Variants in RAPGEF4 observed in about 807,000 individuals in gnomAD.
RAPGEF4 encodes the protein Rap guanine nucleotide exchange factor 4.
In RAPGEF4, 66 loss-of-function variants were observed where a neutral mutation model predicts 147.9. The observed-to-expected ratio is 0.45, with a 90% CI of 0.37 to 0.55. The LOEUF (loss-of-function observed/expected upper bound fraction) is 0.55. Ranked by LOEUF, RAPGEF4 falls within the 20% of genes least tolerant of loss-of-function variation. RAPGEF4 has a pLI of 0.00. For missense variants in RAPGEF4, 1,071 were observed against 1,257.3 expected (o/e 0.85, Z 2.24); for synonymous variants, 419 against 442.7 (o/e 0.95, Z 0.67).
At chr2:172,826,449 T>C (rs1459577246) in intron 4 of RAPGEF4, among the ~76,000 whole-genome samples, 1 of 152,248 alleles carries the variant, frequency 6.6e-6, no homozygotes, top group African/African-American at 2.4e-5. Context: ...TGCCTATGCT[T>C]AGCTTTGTTT....
chr2:172,942,568 T>TAA lies in RAPGEF4; in HGVS notation c.538-18170_538-18169dup, dbSNP rs60948094. Among the ~76,000 whole-genome samples, 640 of 107,792 alleles carry TAA rather than the reference T, an allele frequency of 5.9e-3. 8 individuals are homozygous for TAA. The highest frequency in any genetic ancestry group is 0.021 in the African/African-American group (588 of 28,284). 70.7% of individuals were successfully genotyped at this position (107,792 alleles called of 152,430 possible). A position where few individuals can be genotyped will look rare whatever the true frequency, so the allele number is the denominator to read the frequency against. ...CTCCTGCTTAGATCTTAGAGTCTGGTAAAAAAAAAAAAAAAAAAAAAAATT... is the reference window on the plus strand; with the variant it reads ...CTCCTGCTTAGATCTTAGAGTCTGGTAAAAAAAAAAAAAAAAAAAAAAAAATT... On this transcript the variant is annotated intron_variant, in intron 6 of 30. Coordinates refer to ENST00000397081, the MANE Select transcript of RAPGEF4 (RefSeq NM_007023.4).
intron 11 of RAPGEF4, 126 bp from the exon 12 acceptor site, chr2:172,985,307 G>C: frequency 7.9e-7 from 1 of 1,263,896 alleles, no homozygotes; most frequent in South Asian, 1.3e-5. Context: ...AGCAGCAAGA[G>C]AGGTGAGAGA....
At chr2:172,830,592 A>C (rs1171000685) in intron 4 of RAPGEF4, among the ~76,000 whole-genome samples, 2 of 149,166 alleles carry the variant, frequency 1.3e-5, no homozygotes, top group Admixed American at 1.3e-4. Flanking sequence ...GCAAAACAAG[A>C]ATCCTGTTTG....
chr2:172,778,920 T>G (rs1317297695), intron 1 of RAPGEF4, among the ~76,000 whole-genome samples: 2 of 152,232 alleles, frequency 1.3e-5, no homozygotes, highest in Non-Finnish European at 2.9e-5. Context: ...ATTTATTTTA[T>G]TGAGAACACT....
chr2:172,807,845 G>A (rs1687655937), intron 3 of RAPGEF4, among the ~76,000 whole-genome samples: 1 of 152,138 alleles, frequency 6.6e-6, no homozygotes, highest in Non-Finnish European at 1.5e-5. Flanking sequence ...CTCAGTATAT[G>A]TCCAAAACAA....
chr2:172,809,759 C>G (rs1272475687), intron 3 of RAPGEF4, among the ~76,000 whole-genome samples: 1 of 152,106 alleles, frequency 6.6e-6, no homozygotes, highest in Non-Finnish European at 1.5e-5. Flanking sequence ...TCTTAAATTC[C>G]TGGCTTCAAG....
chr2:172,847,892 T>C (rs1447682964), intron 4 of RAPGEF4, among the ~76,000 whole-genome samples: 1 of 152,202 alleles, frequency 6.6e-6, no homozygotes, highest in Non-Finnish European at 1.5e-5. Flanking sequence ...TCATGGTTAT[T>C]GATTGGGGCC....
At chr2:173,039,193 C>G (rs1684430078) in intron 29 of RAPGEF4, among the ~76,000 whole-genome samples, 1 of 151,980 alleles carries the variant, frequency 6.6e-6, no homozygotes, top group Non-Finnish European at 1.5e-5. Flanking sequence ...TGTGGTGGCT[C>G]ACGCCTGTAA....
At chr2:172,996,742 A>G (rs894949666) in intron 16 of RAPGEF4, among the ~76,000 whole-genome samples, 188 bp downstream of exon 16, 11 of 152,124 alleles carry the variant, frequency 7.2e-5, no homozygotes, top group African/African-American at 2.2e-4. Flanking sequence ...TCCCTCCCCA[A>G]TCCTGACTGT....
intron 4 of RAPGEF4, among the ~76,000 whole-genome samples, chr2:172,897,842 C>T (rs576291787): frequency 1.0e-4 from 15 of 148,966 alleles, no homozygotes; most frequent in African/African-American, 3.0e-4. Context: ...CTTAGCTTCA[C>T]GGCACAGCAA....
chr2:173,030,740 C>T (rs1341753588), intron 26 of RAPGEF4, among the ~76,000 whole-genome samples: 4 of 152,278 alleles, frequency 2.6e-5, no homozygotes, highest in African/African-American at 4.8e-5. Context: ...TACTAAGTGT[C>T]GCCTCACCAC....
chr2:173,004,525 A>G (rs1011740736), intron 17 of RAPGEF4, among the ~76,000 whole-genome samples: 7 of 152,044 alleles, frequency 4.6e-5, no homozygotes, highest in African/African-American at 1.4e-4. Flanking sequence ...ACATATAGAT[A>G]TATGTTTTTA....
chr2:172,839,840 A>C (rs972384228), intron 4 of RAPGEF4, among the ~76,000 whole-genome samples: 2 of 152,194 alleles, frequency 1.3e-5, no homozygotes, highest in Non-Finnish European at 2.9e-5. Flanking sequence ...TACACAAAGG[A>C]GATACAAAAA....
intron 1 of RAPGEF4, among the ~76,000 whole-genome samples, chr2:172,755,330 G>A (rs940566580): frequency 1.3e-5 from 2 of 152,184 alleles, no homozygotes; most frequent in Admixed American, 1.3e-4. Context: ...TCAGCCCCTT[G>A]AGATTTTAGA....
chr2:172,755,026 G>C (rs528997739), intron 1 of RAPGEF4, among the ~76,000 whole-genome samples: 164 of 152,188 alleles, frequency 1.1e-3, no homozygotes, highest in Middle Eastern at 0.01. Flanking sequence ...CTGGGTGACA[G>C]AGTGAGACTC....
rs10534191 is a variant in RAPGEF4, at chr2:172,925,587, T to TACACACACACACACACAC, written c.537+3300_537+3317dup. ...AGGACACATAGTGAGACTCTGTCTG[T>TACACACACACACACACAC]ACACACACACACACACACACACACA... On this transcript the variant is annotated intron_variant, in intron 6 of 30. Coordinates refer to ENST00000397081, the MANE Select transcript of RAPGEF4 (RefSeq NM_007023.4). Among the ~76,000 whole-genome samples the TACACACACACACACACAC allele has an allele frequency of 4.1e-5, 6 of 147,098 alleles. No individual in the cohort carries two copies. In the South Asian group the frequency reaches 1.3e-3, roughly 32 times the overall value.
intron 1 of RAPGEF4, among the ~76,000 whole-genome samples, chr2:172,759,502 A>G (rs1696091706): frequency 1.3e-5 from 2 of 152,336 alleles, no homozygotes; most frequent in South Asian, 2.1e-4. Context: ...CATCACTGTG[A>G]TAAATACTGA....
At chr2:172,791,488 A>G (rs1430572088) in intron 1 of RAPGEF4, among the ~76,000 whole-genome samples, 1 of 152,246 alleles carries the variant, frequency 6.6e-6, no homozygotes, top group African/African-American at 2.4e-5. Context: ...CAAAAGGATT[A>G]TCACTGGTGG....
intron 29 of RAPGEF4, among the ~76,000 whole-genome samples, chr2:173,047,791 C>T (rs1685677680): frequency 6.6e-6 from 1 of 152,104 alleles, no homozygotes; most frequent in Admixed American, 6.5e-5. Flanking sequence ...ATTCTCCTGC[C>T]TCAGCCTCCC....
Sources: allele counts gnomAD v4.1 joint callset (sites outside exome capture counted in the v4.1 genomes callset), GRCh38; gene constraint gnomAD v4.1.1; transcripts MANE v1.5; gene names NCBI Gene and HGNC (gene_info 2026-07-23, HGNC 2026-07-21).